Variants in CAMTA1 observed in about 807,000 individuals in gnomAD.
CAMTA1 encodes calmodulin-binding transcription activator 1.
CAMTA1 carries 27 observed loss-of-function variants against 170.9 expected under a neutral mutation model. That is an observed-to-expected ratio of 0.16 (90% CI 0.12 to 0.22). The LOEUF (loss-of-function observed/expected upper bound fraction) is 0.22, where lower values mean the gene tolerates loss of function less well. CAMTA1 is among the 10% of genes least tolerant of loss of function. The pLI, the probability that CAMTA1 is intolerant of heterozygous loss-of-function variation, is 1.00. For missense variants in CAMTA1, 1,619 were observed against 2,217.2 expected, an observed-to-expected ratio of 0.73 and a Z score of 5.42; for synonymous variants, 833 against 891.5, an observed-to-expected ratio of 0.93 and a Z score of 1.17.
chr1:7,057,701 CAGTT>C (rs1335163332), intron 3 of CAMTA1, among the ~76,000 whole-genome samples: 2 of 152,196 alleles, frequency 1.3e-5, no homozygotes, highest in Non-Finnish European at 2.9e-5. Context: ...GCCTCTTAGA[CAGTT>C]AGTCCTGACA....
At position 7,510,560 on chromosome 1, in the gene CAMTA1, C is replaced by T. The variant is rs2094190208; in HGVS notation, c.510+42659C>T. Among the ~76,000 whole-genome samples the T allele has an allele frequency of 1.4e-5, 2 of 146,730 alleles. 1 individual carries two copies. The stretch of plus-strand genomic sequence containing the variant: ...GCGATGGGCAGAGCCCAGTCTGCCA[C>T]AGGCACTGGAGAAGGAAGAGGATTT... On this transcript the variant is annotated intron_variant, in intron 6 of 22. Coordinates refer to ENST00000303635, the MANE Select transcript of CAMTA1 (RefSeq NM_015215.4).
At chr1:6,904,519 C>A (rs933772765) in intron 3 of CAMTA1, among the ~76,000 whole-genome samples, 1 of 151,658 alleles carries the variant, frequency 6.6e-6, no homozygotes, top group African/African-American at 2.4e-5. Context: ...GGCTCTCCTC[C>A]CCTGAACTTT....
intron 3 of CAMTA1, among the ~76,000 whole-genome samples, chr1:6,848,086 A>G (rs1658978787): frequency 6.6e-6 from 1 of 152,062 alleles, no homozygotes. Flanking sequence ...ACCACAGGTG[A>G]TCCACCCACC....
intron 3 of CAMTA1, among the ~76,000 whole-genome samples, chr1:6,972,755 C>T (rs935970902): frequency 6.6e-6 from 1 of 152,210 alleles, no homozygotes; most frequent in Non-Finnish European, 1.5e-5. Flanking sequence ...CAGCCTGAAC[C>T]TAATTGTTTC....
chr1:6,935,904 G>T (rs1036113371), intron 3 of CAMTA1, among the ~76,000 whole-genome samples: 2 of 152,110 alleles, frequency 1.3e-5, no homozygotes, highest in African/African-American at 4.8e-5. Context: ...GTGGGCTCAG[G>T]GTCTCAGAAG....
At chr1:7,220,540 A>C (rs772264552) in intron 4 of CAMTA1, among the ~76,000 whole-genome samples, 12 of 151,464 alleles carry the variant, frequency 7.9e-5, no homozygotes, top group Non-Finnish European at 1.8e-4. Flanking sequence ...ACCACTGCTG[A>C]GTCTTGTCAC....
At chr1:7,378,109 G>A (rs935342888) in intron 5 of CAMTA1, among the ~76,000 whole-genome samples, 7 of 152,152 alleles carry the variant, frequency 4.6e-5, no homozygotes, top group Admixed American at 1.3e-4. Context: ...CCCTCACTCA[G>A]ACACATCTGA....
chr1:7,276,278 CATATATATATATATAT>C (rs1210333666), intron 5 of CAMTA1, among the ~76,000 whole-genome samples: 7 of 58,558 alleles, frequency 1.2e-4, no homozygotes, highest in Admixed American at 5.5e-4. Flanking sequence ...TACACCTGAT[CATATATATATATATAT>C]ATATATATAT....
chr1:6,977,428 C>T (rs1218398193), intron 3 of CAMTA1, among the ~76,000 whole-genome samples: 1 of 152,092 alleles, frequency 6.6e-6, no homozygotes, highest in Non-Finnish European at 1.5e-5. Flanking sequence ...GCAACCTCCA[C>T]CTCCCAGGTT....
At chr1:7,371,824 AT>A (rs930397347) in intron 5 of CAMTA1, among the ~76,000 whole-genome samples, 8 of 152,176 alleles carry the variant, frequency 5.3e-5, no homozygotes, top group Non-Finnish European at 1.2e-4. Flanking sequence ...ACTGAGGATG[AT>A]TTTGTCCCCC....
chr1:7,545,957 C>CTTTTTT (rs70987353), intron 6 of CAMTA1, among the ~76,000 whole-genome samples: 5 of 131,482 alleles, frequency 3.8e-5, no homozygotes, highest in Non-Finnish European at 6.4e-5. Flanking sequence ...CTTTTCTTTT[C>CTTTTTT]TTTTTTTTTT....
intron 3 of CAMTA1, among the ~76,000 whole-genome samples, chr1:7,054,117 C>T (rs1706914709): frequency 1.3e-5 from 2 of 152,228 alleles, no homozygotes; most frequent in African/African-American, 2.4e-5. Flanking sequence ...ACTTGGGTTG[C>T]ACAAACAGGG....
chr1:7,665,195 CAGAGGTAAG>C lies in CAMTA1; in HGVS notation c.2649_2652+5del. 6.9e-7 allele frequency: 1 copy of C among 1,448,686 alleles called. No homozygotes were observed. The highest frequency in any genetic ancestry group is 1.6e-5 in the South Asian group (1 of 63,556). 89.7% of individuals were successfully genotyped at this position (1,448,686 alleles called of 1,614,324 possible). A position where few individuals can be genotyped will look rare whatever the true frequency, so the allele number is the denominator to read the frequency against. ...GACTACTCCCCAGAGTGGTCTTACC[CAGAGGTAAG>C]CTGCCGCCGCTGCCACCACCTGTCA... is the stretch of plus-strand genomic sequence containing the variant. On this transcript the variant is annotated splice_donor_variant and splice_donor_5th_base_variant and coding_sequence_variant and intron_variant, in exon 9 of 23. Transcript: ENST00000303635. LOFTEE classifies it high-confidence loss of function. This position sits in a 1 kb window ranked among gnomAD's most constrained non-coding sequence, Gnocchi z 4.3.
At chr1:7,560,952 A>G (rs1362491741) in intron 6 of CAMTA1, among the ~76,000 whole-genome samples, 1 of 152,018 alleles carries the variant, frequency 6.6e-6, no homozygotes, top group Non-Finnish European at 1.5e-5. Flanking sequence ...GCCAGCTGGG[A>G]GCCTGGAAGA....
At chr1:7,365,616 A>G (rs911921628) in intron 5 of CAMTA1, among the ~76,000 whole-genome samples, 3 of 152,058 alleles carry the variant, frequency 2.0e-5, no homozygotes, top group Non-Finnish European at 4.4e-5. Context: ...CTCCTCCTGG[A>G]CCCCCTTCTT....
intron 3 of CAMTA1, among the ~76,000 whole-genome samples, chr1:6,895,784 C>A (rs1675507773): frequency 6.6e-6 from 1 of 152,148 alleles, no homozygotes; most frequent in African/African-American, 2.4e-5. Context: ...TCAGAGAGAC[C>A]CTCCCCCGAT....
At chr1:7,211,696 C>T (rs1011285335) in intron 4 of CAMTA1, among the ~76,000 whole-genome samples, 2 of 152,180 alleles carry the variant, frequency 1.3e-5, no homozygotes, top group South Asian at 2.1e-4. Flanking sequence ...TAATGAGCCC[C>T]GGCTCCTTTC....
chr1:7,623,953 G>A (rs12042295), intron 6 of CAMTA1, among the ~76,000 whole-genome samples: 1 of 152,290 alleles, frequency 6.6e-6, no homozygotes, highest in East Asian at 1.9e-4. Context: ...TTTTTCCAAG[G>A]GGACTCTATC....
intron 16 of CAMTA1, among the ~76,000 whole-genome samples, chr1:7,743,976 G>A (rs1173574310): frequency 6.9e-5 from 10 of 144,676 alleles, no homozygotes; most frequent in East Asian, 4.1e-4. Context: ...ACAGGCGCCC[G>A]CCACCACGCC....
Sources: allele counts gnomAD v4.1 joint callset (sites outside exome capture counted in the v4.1 genomes callset), GRCh38; gene constraint gnomAD v4.1.1; non-coding constraint Gnocchi (gnomAD v3.1); transcripts MANE v1.5; gene names NCBI Gene and HGNC (gene_info 2026-07-23, HGNC 2026-07-21).